FOXP2: variants seen among roughly 807,000 people sequenced by gnomAD.
The protein encoded by FOXP2 is forkhead box P2, also known as forkhead box protein P2.
A neutral mutation model predicts 115.8 loss-of-function variants in FOXP2; 12 were observed. That is an observed-to-expected ratio of 0.10 (90% CI 0.07 to 0.17). The LOEUF (loss-of-function observed/expected upper bound fraction) is 0.17, where lower values mean the gene tolerates loss of function less well. Among genes scored for constraint, FOXP2 ranks in the 10% least tolerant of loss-of-function variants. The pLI, the probability that FOXP2 is intolerant of heterozygous loss-of-function variation, is 1.00. For synonymous variants in FOXP2, 328 were observed against 297.7 expected (o/e 1.10, Z -1.05); for missense variants, 629 against 843.5 (o/e 0.75, Z 3.15).
chr7:114,568,445 A>T (rs1801130049), intron 3 of FOXP2, among the ~76,000 whole-genome samples: 4 of 146,106 alleles, frequency 2.7e-5, no homozygotes, highest in South Asian at 2.2e-4. Context: ...GGGGGGGGTT[A>T]TTTTGTTTTG....
chr7:114,465,611 T>C (rs1795767475), intron 2 of FOXP2, among the ~76,000 whole-genome samples: 1 of 152,206 alleles, frequency 6.6e-6, no homozygotes, highest in South Asian at 2.1e-4. Context: ...TCTCTGTCAC[T>C]TTTAGGATTC....
At chr7:114,689,645 A>G (rs1808552827) in intron 16 of FOXP2, 137 bp from the exon 17 acceptor site, 1 of 812,798 alleles carries the variant, frequency 1.2e-6, no homozygotes, top group Non-Finnish European at 2.0e-6. Flanking sequence ...AGCTCACGCA[A>G]TCAATCAGAT....
At chr7:114,677,069 G>A (rs955741736) in intron 16 of FOXP2, among the ~76,000 whole-genome samples, 1 of 151,878 alleles carries the variant, frequency 6.6e-6, no homozygotes, top group African/African-American at 2.4e-5. Context: ...AGGAGGCTGA[G>A]GCAGGAGAAT....
At chr7:114,249,398 T>A (rs1162748741) in intron 1 of FOXP2, among the ~76,000 whole-genome samples, 1 of 152,006 alleles carries the variant, frequency 6.6e-6, no homozygotes, top group Non-Finnish European at 1.5e-5. Flanking sequence ...CAATGTGTGT[T>A]GTTCCCCTCC....
chr7:114,478,721 C>T (rs1220341119), intron 2 of FOXP2, among the ~76,000 whole-genome samples: 1 of 151,710 alleles, frequency 6.6e-6, no homozygotes, highest in Admixed American at 6.6e-5. Context: ...AATCTGGATA[C>T]ATCTTGGTTT....
chr7:114,639,476 T>C (rs944239107), intron 6 of FOXP2, among the ~76,000 whole-genome samples: 9 of 149,130 alleles, frequency 6.0e-5, no homozygotes, highest in African/African-American at 2.2e-4. Context: ...TAACAAGAGG[T>C]AGACTAGATA....
intron 1 of FOXP2, among the ~76,000 whole-genome samples, chr7:114,202,580 G>T (rs1262977249): frequency 2.6e-5 from 4 of 152,102 alleles, no homozygotes; most frequent in Admixed American, 2.6e-4. Flanking sequence ...TTAAAATGAG[G>T]CACCTTCTTT....
chr7:114,173,044 A>C (rs1172748857), intron 1 of FOXP2, among the ~76,000 whole-genome samples: 1 of 151,950 alleles, frequency 6.6e-6, no homozygotes, highest in Non-Finnish European at 1.5e-5. Context: ...TTTCAAATGA[A>C]AATATAGATA....
intron 2 of FOXP2, among the ~76,000 whole-genome samples, chr7:114,431,864 AT>A (rs907135228): frequency 2.0e-5 from 3 of 151,716 alleles, no homozygotes; most frequent in Non-Finnish European, 4.4e-5. Context: ...GCAGGTGAGT[AT>A]TTTTTTTAAA....
rs199797134 is a variant in FOXP2, at chr7:114,330,496, A to G, written c.-11+42387A>G. On this transcript the variant is annotated intron_variant, in intron 2 of 17. Coordinates refer to the FOXP2 transcript ENST00000634411. ...AAAAAAAAAGTTTATATATATATAT[A>G]TGTGTATATATATATATGTACACAC... is the stretch of plus-strand genomic sequence containing the variant. 8.2e-3 allele frequency among the ~76,000 whole-genome samples: 1,125 copies of G among 137,500 alleles called. 7 individuals are homozygous for G. The highest frequency in any genetic ancestry group is 0.012 in the Non-Finnish European group (735 of 62,658). 90.2% of individuals were successfully genotyped at this position (137,500 alleles called of 152,430 possible).
chr7:114,221,981 A>T (rs1325706391), intron 1 of FOXP2, among the ~76,000 whole-genome samples: 1 of 152,136 alleles, frequency 6.6e-6, no homozygotes, highest in Non-Finnish European at 1.5e-5. Flanking sequence ...CTTCTGAGCC[A>T]GGTAGGAAGG....
intron 14 of FOXP2, among the ~76,000 whole-genome samples, chr7:114,663,098 G>T (rs1806963351): frequency 6.6e-6 from 1 of 151,986 alleles, no homozygotes; most frequent in African/African-American, 2.4e-5. Flanking sequence ...GCATCAAATT[G>T]GTAATTGTAT....
At position 114,538,412 on chromosome 7, in the gene FOXP2, T is replaced by C. The variant is rs1052564885; in HGVS notation, c.258+3706T>C. ...AATGCCATTGCTTTGCTATCTTAGA[T>C]GAATATTAGTTTTTAGCATTGTAAT... is the stretch of plus-strand genomic sequence containing the variant. On this transcript the variant is annotated intron_variant, in intron 3 of 16. Coordinates refer to ENST00000350908, the MANE Select transcript of FOXP2 (RefSeq NM_014491.4). 3 of 1,255,294 alleles carry C rather than the reference T, an allele frequency of 2.4e-6. No individual in the cohort carries two copies. In the Admixed American group the frequency reaches 6.9e-5, roughly 29 times the overall value. The allele number at this position is 1,255,294 out of a possible 1,614,324, so 77.8% of individuals were successfully genotyped here.
chr7:114,444,120 T>G (rs1244602608), intron 2 of FOXP2, among the ~76,000 whole-genome samples: 1 of 152,170 alleles, frequency 6.6e-6, no homozygotes, highest in African/African-American at 2.4e-5. Context: ...TCATCTGCCT[T>G]TGTATCCTCA....
chr7:114,678,547 C>CTTTTTTTTTTTTTTT (rs35525759), intron 16 of FOXP2, among the ~76,000 whole-genome samples: 2 of 48,388 alleles, frequency 4.1e-5, no homozygotes, highest in Non-Finnish European at 7.9e-5. Context: ...ATAAGTGACT[C>CTTTTTTTTTTTTTTT]TTTTTTTTTT....
chr7:114,381,890 T>A (rs1227015561), intron 2 of FOXP2, among the ~76,000 whole-genome samples: 1 of 152,082 alleles, frequency 6.6e-6, no homozygotes, highest in African/African-American at 2.4e-5. Context: ...ATCCTTTAGT[T>A]TAACTTGAAC....
At chr7:114,128,380 A>G (rs930478180) in intron 1 of FOXP2, among the ~76,000 whole-genome samples, 1 of 150,802 alleles carries the variant, frequency 6.6e-6, no homozygotes, top group Non-Finnish European at 1.5e-5. Flanking sequence ...ACCAACTCTT[A>G]CCCTAATATA....
chr7:114,251,421 A>G (rs1399585028), intron 1 of FOXP2, among the ~76,000 whole-genome samples: 3 of 152,194 alleles, frequency 2.0e-5, no homozygotes, highest in Non-Finnish European at 4.4e-5. Context: ...GATTCTTCCT[A>G]TCCATGAACA....
At chr7:114,254,325 T>C (rs979263967) in intron 1 of FOXP2, among the ~76,000 whole-genome samples, 2 of 152,218 alleles carry the variant, frequency 1.3e-5, no homozygotes, top group African/African-American at 4.8e-5. Context: ...ATTTCCTGAA[T>C]TTGAATGTTG....
Sources: allele counts gnomAD v4.1 joint callset (sites outside exome capture counted in the v4.1 genomes callset), GRCh38; gene constraint gnomAD v4.1.1; transcripts MANE v1.5; gene names NCBI Gene and HGNC (gene_info 2026-07-23, HGNC 2026-07-21).